The following CFAP65 variants were observed in gnomAD, a reference collection of about 807,000 sequenced individuals.
The protein encoded by CFAP65 is cilia and flagella associated protein 65, also known as cilia- and flagella-associated protein 65.
A neutral mutation model predicts 208.0 loss-of-function variants in CFAP65; 155 were observed. That is an observed-to-expected ratio of 0.75 (90% CI 0.65 to 0.85). CFAP65 has a LOEUF of 0.85. CFAP65 is among the 40% of genes least tolerant of loss of function. The pLI, the probability that CFAP65 is intolerant of heterozygous loss-of-function variation, is 0.00. For missense variants in CFAP65, 2,294 were observed against 2,451.3 expected (o/e 0.94, Z 1.36); for synonymous variants, 970 against 986.3 (o/e 0.98, Z 0.31).
chr2:219,005,673 C>A, intron 31 of CFAP65, 111 bp from the exon 32 acceptor site: 1 of 1,313,048 alleles, frequency 7.6e-7, no homozygotes, highest in South Asian at 1.3e-5. Flanking sequence ...GAGTTTGAGG[C>A]ACTCCCAGCC....
intron 13 of CFAP65, 78 bp downstream of exon 13, chr2:219,027,572 C>T (rs1376123621): frequency 6.2e-7 from 1 of 1,613,088 alleles, no homozygotes; most frequent in Non-Finnish European, 8.5e-7. Context: ...TGCCCTCGGT[C>T]ACTTCCTGCC....
Position 219,023,287 on chromosome 2 carries a change from C to T in CFAP65, c.2740G>A (p.Glu914Lys), listed in dbSNP as rs747396715. ...CGATGCTGCTCAGAGACCCTCCACT[C>T]GAACTGCAGGGGCAGACGCGAGGGG... ...RNPSRLPLQF[E>K]WRVSEQHRKL... Residue 914 changes from glutamate (E) to lysine (K), a missense_variant, in exon 16 of 35, where the codon GAG becomes AAG. Glu to Lys is a moderately conservative substitution (Grantham distance 56). Transcript: ENST00000341552. The T allele has an allele frequency of 1.9e-6, 3 of 1,613,188 alleles. No individual in the cohort carries two copies. Among genetic ancestry groups the T allele is most frequent in the South Asian group, 2.2e-5 (2 of 90,862 alleles).
rs2106031865 is a variant in CFAP65 at position 219,003,083 on chromosome 2, C to T, written c.5693+52G>A. The T allele has an allele frequency of 5.8e-6, 9 of 1,546,604 alleles. No individual in the cohort carries two copies. The highest frequency in any genetic ancestry group is 7.0e-6 in the Non-Finnish European group (8 of 1,143,804). ...AGGCTTCGGGCAGAGCCTGGCTGCCCCCGTGGCCCCTCTCGCGCGGTCTGC... is the reference window on the plus strand; with the variant it reads ...AGGCTTCGGGCAGAGCCTGGCTGCCTCCGTGGCCCCTCTCGCGCGGTCTGC... On this transcript the variant is annotated intron_variant, in intron 34 of 34. Coordinates refer to ENST00000341552, the MANE Select transcript of CFAP65 (RefSeq NM_194302.4). The surrounding 1 kb of genome is among the most constrained non-coding windows in gnomAD (Gnocchi z 4.4).
intron 21 of CFAP65, chr2:219,014,436 A>C (rs968916667): frequency 1.2e-5 from 2 of 167,292 alleles, no homozygotes; most frequent in African/African-American, 4.8e-5. Context: ...AGCCCCAGGG[A>C]GTGGGGTGTC....
At chr2:219,010,442 T>A in intron 26 of CFAP65, 104 bp downstream of exon 26, 1 of 1,256,402 alleles carries the variant, frequency 8.0e-7, no homozygotes, top group Non-Finnish European at 1.1e-6. Flanking sequence ...CCTCCTCAAC[T>A]ACATCTCATG....
chr2:219,040,698 C>T, intron 1 of CFAP65, 134 bp from the exon 2 acceptor site: 1 of 1,309,374 alleles, frequency 7.6e-7, no homozygotes, highest in Non-Finnish European at 1.1e-6. Context: ...AAAAAGTCTC[C>T]ACTCAACACA....
intron 4 of CFAP65, among the ~76,000 whole-genome samples, chr2:219,037,573 C>G (rs1253348525): frequency 6.6e-6 from 1 of 152,176 alleles, no homozygotes; most frequent in Admixed American, 6.5e-5. Flanking sequence ...GGAAATGCAG[C>G]TGCTGACAGA....
chr2:219,039,013 T>C lies in CFAP65; in HGVS notation c.36A>G (p.Lys12=), dbSNP rs1296542603. The part of the protein sequence containing the change: ...FTLTGCRLVE[K]TQKVENPSVS... ...CTGATGGATTCTCCACCTTCTGGGT[T>C]TTCTCCACCAGTCTACAACCGGTTA... The change falls in exon 3 of 35, where the codon AAA becomes AAG. Residue 12 remains lysine (K), a synonymous_variant. Coordinates refer to ENST00000341552, the MANE Select transcript of CFAP65 (RefSeq NM_194302.4). The C allele has an allele frequency of 1.2e-6, 2 of 1,613,176 alleles. No individual in the cohort carries two copies. Among genetic ancestry groups the C allele is most frequent in the Non-Finnish European group, 1.7e-6 (2 of 1,179,476 alleles).
At position 219,004,160 on chromosome 2, in the gene CFAP65, C is replaced by G. The variant is rs1207249306; in HGVS notation, c.5347G>C (p.Glu1783Gln). The change falls in exon 33 of 35, where the codon GAG (glutamate) becomes CAG (glutamine). Residue 1783 changes from glutamate (E) to glutamine (Q), a missense_variant. This residue lies in a region of CFAP65 where 1,427 missense variants were observed against 1,438.7 expected (regional missense o/e 0.99). Transcript: ENST00000341552. This position sits in a 1 kb window ranked among gnomAD's most constrained non-coding sequence, Gnocchi z 4.7. ...CCCAACTCCTCCTCTTCTGTCTCCT[C>G]TTCTTCCTCCTCTTCCTCCTCCAAC... Reference protein sequence around the residue: ...EELEEEEEEEEETEEEELGKE... With the variant: ...EELEEEEEEEQETEEEELGKE... 6.2e-7 allele frequency: 1 copy of G among 1,613,954 alleles called. No homozygotes were observed. The highest frequency in any genetic ancestry group is 1.1e-5 in the South Asian group (1 of 91,078).
chr2:219,028,626 T>G (rs1296625897), intron 11 of CFAP65, among the ~76,000 whole-genome samples: 1 of 152,026 alleles, frequency 6.6e-6, no homozygotes, highest in African/African-American at 2.4e-5. Flanking sequence ...CTTAGGACAC[T>G]CAGCCATTAC....
In CFAP65 at chr2:219,019,492, C is replaced by T. The variant is rs1450092597; in HGVS notation, c.3473+14G>A. 3 of 1,606,054 alleles carry T rather than the reference C, an allele frequency of 1.9e-6. No homozygotes were observed. The highest frequency in any genetic ancestry group is 2.2e-5 in the East Asian group (1 of 44,630). The stretch of plus-strand genomic sequence containing the variant: ...CTGCCCCCAGCCCCCACCCCCACTC[C>T]AGGCTCAGCTCACCTGTGCCGGGTG... On this transcript the variant is annotated intron_variant, in intron 20 of 34. Coordinates refer to ENST00000341552, the MANE Select transcript of CFAP65 (RefSeq NM_194302.4).
chr2:219,004,069 C>A lies in CFAP65; in HGVS notation c.5438G>T (p.Gly1813Val). ...CTCAGGCTGTGGTGTGGGCCCGATG[C>A]CCGCCCAGCTCACTTTCTCTTCCTT... ...DEKEEKVSWAGIGPTPQPESQ... is the reference protein window; with the variant it reads ...DEKEEKVSWAVIGPTPQPESQ... Residue 1813 changes from glycine (G) to valine (V), a missense_variant, in exon 33 of 35, where the codon GGC becomes GTC. Gly to Val is a moderately radical substitution (Grantham distance 109). Coordinates refer to ENST00000341552, the MANE Select transcript of CFAP65 (RefSeq NM_194302.4). This position sits in a 1 kb window ranked among gnomAD's most constrained non-coding sequence, Gnocchi z 4.7. The A allele has an allele frequency of 6.2e-7, 1 of 1,614,022 alleles. No individual in the cohort carries two copies. The highest frequency in any genetic ancestry group is 8.5e-7 in the Non-Finnish European group (1 of 1,180,030).
Position 219,021,157 on chromosome 2 carries a change from T to A in CFAP65, c.3254A>T (p.His1085Leu), listed in dbSNP as rs767069946. ...ATGCCAGGCAGTCTAGGTACCTCTG[T>A]GGGAAAGGAGAGAGTAGGTGATGGT... Reference protein sequence around the residue: ...SWTITYSLLSHRDNKAGEKQE... With the variant: ...SWTITYSLLSLRDNKAGEKQE... Residue 1085 changes from histidine to leucine, a missense_variant, in exon 19 of 35, where the codon CAC becomes CTC. His to Leu is a moderately conservative substitution (Grantham distance 99). This residue lies in a region of CFAP65 where 1,427 missense variants were observed against 1,438.7 expected (regional missense o/e 0.99). Coordinates refer to ENST00000341552, the MANE Select transcript of CFAP65 (RefSeq NM_194302.4). 3.2e-6 allele frequency: 5 copies of A among 1,558,698 alleles called. No homozygotes were observed. The highest frequency in any genetic ancestry group is 4.3e-6 in the Non-Finnish European group (5 of 1,150,388).
chr2:219,016,862 T>C (rs1215766452), intron 21 of CFAP65, among the ~76,000 whole-genome samples: 1 of 152,244 alleles, frequency 6.6e-6, no homozygotes, highest in Middle Eastern at 3.2e-3. Context: ...AAAGGCCCTG[T>C]ATGTCCTGGC....
At position 219,010,722 on chromosome 2, in the gene CFAP65, T is replaced by G. The variant is rs1574539434; in HGVS notation, c.4150-18A>C. The G allele has an allele frequency of 6.3e-7, 1 of 1,597,322 alleles. No homozygotes were observed. The highest frequency in any genetic ancestry group is 8.5e-7 in the Non-Finnish European group (1 of 1,171,552). On this transcript the variant is annotated intron_variant, in intron 25 of 34. Transcript: ENST00000341552. ...ACGTCCACCTGGGGAGTTAGGAGGG[T>G]GGGGGTAGGGACTGGTCAGAGGGAG...
At chr2:219,021,057 C>A in intron 19 of CFAP65, 95 bp downstream of exon 19, 1 of 1,392,484 alleles carries the variant, frequency 7.2e-7, no homozygotes. Flanking sequence ...CCTGCCAGCT[C>A]TGCCTGACGC....
At position 219,026,933 on chromosome 2, in the gene CFAP65, G is replaced by A. The variant is rs780796730; in HGVS notation, c.2211+717C>T. On this transcript the variant is annotated intron_variant, in intron 13 of 34. Coordinates refer to ENST00000341552, the MANE Select transcript of CFAP65 (RefSeq NM_194302.4). Reference sequence around the variant, plus strand: ...GGAAAGCCTCCTCAAAAGATCGGACGTGGTCCCAAGTTTAGAGATGAAAAG... The same window carrying A: ...GGAAAGCCTCCTCAAAAGATCGGACATGGTCCCAAGTTTAGAGATGAAAAG... 1.5e-5 allele frequency: 15 copies of A among 986,086 alleles called. No homozygotes were observed. In the South Asian group the frequency reaches 2.8e-4, roughly 19 times the overall value. The allele number at this position is 986,086 out of a possible 1,614,324, so 61.1% of individuals were successfully genotyped here. A position where few individuals can be genotyped will look rare whatever the true frequency, so the allele number is the denominator to read the frequency against.
At chr2:219,008,956 T>G (rs1574527057) in intron 29 of CFAP65, 91 bp downstream of exon 29, 1 of 1,070,426 alleles carries the variant, frequency 9.3e-7, no homozygotes, top group Non-Finnish European at 1.4e-6. Flanking sequence ...TGGTTTGGCC[T>G]GGAGGGCCAC....
rs113164483 is a variant in CFAP65, at chr2:219,024,653, C to T, written c.2350-393G>A. On this transcript the variant is annotated intron_variant, in intron 14 of 34. Coordinates refer to ENST00000341552, the MANE Select transcript of CFAP65 (RefSeq NM_194302.4). ...CTGGGGCTGCAGTAAGTAACCACTT[C>T]GGGCTGGGTGTGGTGGCTCCTGCCT... 1.7e-3 allele frequency among the ~76,000 whole-genome samples: 266 copies of T among 152,280 alleles called. 2 individuals are homozygous for T. The highest frequency in any genetic ancestry group is 2.5e-3 in the Non-Finnish European group (173 of 68,012).
Sources: allele counts gnomAD v4.1 joint callset (sites outside exome capture counted in the v4.1 genomes callset), GRCh38; gene constraint gnomAD v4.1.1; regional missense constraint gnomAD v4.1.1; non-coding constraint Gnocchi (gnomAD v3.1); transcripts MANE v1.5; gene names NCBI Gene and HGNC (gene_info 2026-07-23, HGNC 2026-07-21).